Variants in METTL15 observed in about 807,000 individuals in gnomAD.
METTL15 encodes the protein methyltransferase 15, mitochondrial 12S rRNA N4-cytidine, also known as 12S rRNA N(4)-cytidine methyltransferase METTL15.
Under a neutral mutation model 38.3 loss-of-function variants are expected in METTL15, and 34 were observed. That is an observed-to-expected ratio of 0.89 (90% CI 0.68 to 1.18). The LOEUF (loss-of-function observed/expected upper bound fraction) is 1.18, where lower values mean the gene tolerates loss of function less well. Ranked by LOEUF, METTL15 falls within the 50% of genes most tolerant of loss-of-function variation. METTL15 has a pLI of 0.00. For missense variants in METTL15, 438 were observed against 498.4 expected (o/e 0.88, Z 1.15); for synonymous variants, 162 against 170.9 (o/e 0.95, Z 0.41).
At chr11:28,129,759 A>G (rs1852675559) in intron 3 of METTL15, among the ~76,000 whole-genome samples, 1 of 152,250 alleles carries the variant, frequency 6.6e-6, no homozygotes, top group African/African-American at 2.4e-5. Flanking sequence ...AAAAAGTTGA[A>G]TTCAATAAAC....
intron 3 of METTL15, among the ~76,000 whole-genome samples, chr11:28,157,886 C>G (rs898120654): frequency 6.6e-6 from 1 of 152,184 alleles, no homozygotes; most frequent in African/African-American, 2.4e-5. Flanking sequence ...ACAGATAGTT[C>G]TGCACAATAC....
chr11:28,378,315 G>C (rs545099176), intron 5 of METTL15, among the ~76,000 whole-genome samples: 2 of 152,224 alleles, frequency 1.3e-5, no homozygotes, highest in African/African-American at 2.4e-5. Flanking sequence ...GATACTCCGT[G>C]GGGTAGGACC....
chr11:28,391,901 A>G (rs1850512810), intron 5 of METTL15, among the ~76,000 whole-genome samples: 1 of 152,236 alleles, frequency 6.6e-6, no homozygotes, highest in Non-Finnish European at 1.5e-5. Flanking sequence ...GGACATAGAC[A>G]TGGGTAAGGA....
chr11:28,130,175 G>C (rs2133628971), intron 3 of METTL15, among the ~76,000 whole-genome samples: 1 of 152,154 alleles, frequency 6.6e-6, no homozygotes, highest in South Asian at 2.1e-4. Context: ...GCTGTATATG[G>C]TGGTGTACAC....
At chr11:28,111,083 A>G (rs1253203243) in intron 2 of METTL15, among the ~76,000 whole-genome samples, 3 of 152,104 alleles carry the variant, frequency 2.0e-5, no homozygotes, top group Non-Finnish European at 2.9e-5. Flanking sequence ...CCATTTTTTT[A>G]GGGAGGTATT....
At chr11:28,411,992 T>G (rs1189257009) in intron 5 of METTL15, among the ~76,000 whole-genome samples, 1 of 152,092 alleles carries the variant, frequency 6.6e-6, no homozygotes, top group Non-Finnish European at 1.5e-5. Context: ...TGTGAAAAGA[T>G]ACTCTGCAGC....
chr11:28,410,709 TACAAG>T (rs1235664083), intron 5 of METTL15: 1 of 152,030 alleles, frequency 6.6e-6, no homozygotes, highest in Non-Finnish European at 1.5e-5. Context: ...TAAGATCAGA[TACAAG>T]ACAGGGATGC....
chr11:28,441,131 A>G (rs1223447525), intron 6 of METTL15, among the ~76,000 whole-genome samples: 2 of 151,868 alleles, frequency 1.3e-5, no homozygotes, highest in African/African-American at 4.8e-5. Context: ...ACAGTATGAA[A>G]AACATAGGAA....
chr11:28,503,116 A>G (rs996324596), intron 6 of METTL15, among the ~76,000 whole-genome samples: 1 of 152,176 alleles, frequency 6.6e-6, no homozygotes, highest in Non-Finnish European at 1.5e-5. Flanking sequence ...ATGGGTCACT[A>G]TCTGAAGCAG....
chr11:28,491,923 C>G (rs1851498377), intron 6 of METTL15, among the ~76,000 whole-genome samples: 1 of 152,082 alleles, frequency 6.6e-6, no homozygotes, highest in Admixed American at 6.5e-5. Flanking sequence ...ACCTTAGTTT[C>G]CTTTCTTCTG....
At chr11:28,214,005 T>C (rs1380372158) in intron 4 of METTL15, among the ~76,000 whole-genome samples, 1 of 152,154 alleles carries the variant, frequency 6.6e-6, no homozygotes, top group Non-Finnish European at 1.5e-5. Context: ...TGGAAAGTTA[T>C]TTCAGTTAAC....
intron 5 of METTL15, among the ~76,000 whole-genome samples, chr11:28,374,782 G>C (rs1175292266): frequency 6.6e-6 from 1 of 151,000 alleles, no homozygotes; most frequent in African/African-American, 2.4e-5. Context: ...TGCCCATTCA[G>C]TATGGTATTG....
chr11:28,517,228 ATTGTGGCATCCTTAGCT>A (rs1161369415), intron 6 of METTL15: 3 of 152,076 alleles, frequency 2.0e-5, no homozygotes, highest in African/African-American at 7.2e-5. Flanking sequence ...CCCCCAATCA[ATTGTGGCATCCTTAGCT>A]TGGCCGTTGA....
In METTL15 at chr11:28,142,518, A is replaced by C. The variant is rs1849734945; in HGVS notation, c.270+28914A>C. ...ATAACTTTTTGATTTGGTGATAGGG[A>C]ACTTTAATGCTTTGATTTTGATTTT... On this transcript the variant is annotated intron_variant, in intron 3 of 6. Coordinates refer to ENST00000407364, the MANE Select transcript of METTL15 (RefSeq NM_001113528.2). Among the ~76,000 whole-genome samples, 5 of 152,108 alleles carry C rather than the reference A, an allele frequency of 3.3e-5. No individual in the cohort carries two copies. The South Asian group carries it at 1.0e-3, about 32-fold the overall frequency.
intron 4 of METTL15, among the ~76,000 whole-genome samples, chr11:28,256,884 T>G (rs1282361864): frequency 1.3e-5 from 2 of 152,078 alleles, no homozygotes; most frequent in Non-Finnish European, 2.9e-5. Context: ...ATCCTACAGG[T>G]TTTGTTATGT....
chr11:28,374,303 A>G (rs1850280927), intron 5 of METTL15, among the ~76,000 whole-genome samples: 1 of 152,038 alleles, frequency 6.6e-6, no homozygotes, highest in Admixed American at 6.6e-5. Context: ...ATGAGCATGG[A>G]ATGTTCTTCC....
At chr11:28,238,324 C>A (rs1854116711) in intron 4 of METTL15, among the ~76,000 whole-genome samples, 2 of 152,302 alleles carry the variant, frequency 1.3e-5, no homozygotes, top group East Asian at 3.9e-4. Flanking sequence ...GCGCCCCTCC[C>A]CCAGCCTGGC....
chr11:28,208,248 G>C (rs1852454335), intron 3 of METTL15, among the ~76,000 whole-genome samples: 1 of 152,128 alleles, frequency 6.6e-6, no homozygotes, highest in Non-Finnish European at 1.5e-5. Flanking sequence ...TGGGCATTTA[G>C]TGCTATAAAT....
chr11:28,420,479 A>C (rs1850809867), intron 5 of METTL15, among the ~76,000 whole-genome samples: 1 of 152,152 alleles, frequency 6.6e-6, no homozygotes, highest in Non-Finnish European at 1.5e-5. Context: ...CCACAAAACA[A>C]GTCTTAAAAC....
Sources: gnomAD v4.1 joint callset for allele counts (sites outside exome capture counted in the v4.1 genomes callset) on GRCh38, gnomAD v4.1.1 for gene constraint, MANE v1.5 for transcripts, NCBI Gene and HGNC (gene_info 2026-07-23, HGNC 2026-07-21) for gene names.